The following TIAM1 variants were observed in gnomAD, a reference collection of about 807,000 sequenced individuals.
The protein encoded by TIAM1 is TIAM Rac1 associated GEF 1.
A neutral mutation model predicts 163.5 loss-of-function variants in TIAM1; 65 were observed. The observed-to-expected ratio is 0.40, with a 90% confidence interval of 0.33 to 0.49. The LOEUF (loss-of-function observed/expected upper bound fraction) is 0.49. TIAM1 is among the 20% of genes least tolerant of loss of function. The pLI, the probability that TIAM1 is intolerant of heterozygous loss-of-function variation, is 0.77. For missense variants in TIAM1, 1,789 were observed against 2,044.7 expected (o/e 0.87, Z 2.41); for synonymous variants, 833 against 810.1 (o/e 1.03, Z -0.48).
intron 19 of TIAM1, among the ~76,000 whole-genome samples, chr21:31,151,408 A>G (rs1340397026): frequency 2.0e-5 from 3 of 152,220 alleles, no homozygotes; most frequent in African/African-American, 4.8e-5. Flanking sequence ...CTTGATACAC[A>G]CAGCAATATG....
chr21:31,540,222 C>T (rs1300774218), intron 1 of TIAM1, among the ~76,000 whole-genome samples: 1 of 150,992 alleles, frequency 6.6e-6, no homozygotes, highest in Non-Finnish European at 1.5e-5. Context: ...CTCATCTTTA[C>T]TAAAAATACA....
chr21:31,403,013 C>T (rs1301572813), intron 2 of TIAM1, among the ~76,000 whole-genome samples: 1 of 152,138 alleles, frequency 6.6e-6, no homozygotes, highest in African/African-American at 2.4e-5. Flanking sequence ...CAGGGGCTCA[C>T]AGCACCACGG....
At chr21:31,495,111 G>A (rs1488398012) in intron 1 of TIAM1, among the ~76,000 whole-genome samples, 3 of 152,182 alleles carry the variant, frequency 2.0e-5, no homozygotes, top group African/African-American at 4.8e-5. Flanking sequence ...GTAAAAGTGT[G>A]TGGATACATA....
chr21:31,405,239 CCG>C (rs2077227265), intron 2 of TIAM1, among the ~76,000 whole-genome samples: 1 of 152,106 alleles, frequency 6.6e-6, no homozygotes, highest in Non-Finnish European at 1.5e-5. Flanking sequence ...CAGGGCAAGA[CCG>C]TGTCTCAAAA....
At chr21:31,554,591 T>C (rs958842911) in intron 1 of TIAM1, among the ~76,000 whole-genome samples, 6 of 152,218 alleles carry the variant, frequency 3.9e-5, no homozygotes, top group Non-Finnish European at 8.8e-5. Context: ...AAACTGAGAT[T>C]GTGCTCAGCT....
chr21:31,266,332 A>T lies in TIAM1; in HGVS notation c.641T>A (p.Met214Lys). Residue 214 changes from methionine (M) to lysine (K), a missense_variant, in exon 4 of 28, where the codon ATG becomes AAG. This residue lies in a region of TIAM1 where 555 missense variants were observed against 564.9 expected (regional missense o/e 0.98). Coordinates refer to ENST00000541036, the MANE Select transcript of TIAM1 (RefSeq NM_001353694.2). ...EEKDCEEARG[M>K]ETRASPRQLS... is the part of the protein sequence containing the mutation. The stretch of plus-strand genomic sequence containing the variant: ...CTGCCGCGGACTCGCCCGCGTTTCC[A>T]TCCCCCGAGCCTCCTCGCAGTCCTT... The T allele has an allele frequency of 6.2e-7, 1 of 1,614,158 alleles. No individual in the cohort carries two copies. Among genetic ancestry groups the T allele is most frequent in the Non-Finnish European group, 8.5e-7 (1 of 1,180,032 alleles).
At chr21:31,483,309 C>T (rs935290248) in intron 1 of TIAM1, among the ~76,000 whole-genome samples, 9 of 152,178 alleles carry the variant, frequency 5.9e-5, no homozygotes, top group Admixed American at 2.6e-4. Flanking sequence ...CTGCACCCCA[C>T]GCTTCAACCC....
intron 1 of TIAM1, among the ~76,000 whole-genome samples, chr21:31,494,042 G>A (rs921661365): frequency 6.6e-6 from 1 of 152,134 alleles, no homozygotes; most frequent in Non-Finnish European, 1.5e-5. Flanking sequence ...AGCCTCCCCA[G>A]TAGCTGGGAT....
intron 2 of TIAM1, among the ~76,000 whole-genome samples, chr21:31,286,447 C>T (rs1014684344): frequency 2.6e-5 from 4 of 151,920 alleles, no homozygotes; most frequent in Non-Finnish European, 4.4e-5. Context: ...GTGGCTCATG[C>T]CTGCAATCTT....
chr21:31,462,915 G>GGCCAC (rs1481881534), intron 2 of TIAM1, among the ~76,000 whole-genome samples: 1 of 152,008 alleles, frequency 6.6e-6, no homozygotes, highest in African/African-American at 2.4e-5. Flanking sequence ...ACTAATTTTT[G>GGCCAC]TATTTGGAGT....
At chr21:31,520,527 A>C (rs1282878747) in intron 1 of TIAM1, among the ~76,000 whole-genome samples, 2 of 152,230 alleles carry the variant, frequency 1.3e-5, no homozygotes, top group Non-Finnish European at 2.9e-5. Context: ...TGGTATAAAC[A>C]GCAAAAGGAA....
At chr21:31,335,530 C>A (rs1602016419) in intron 2 of TIAM1, among the ~76,000 whole-genome samples, 1 of 151,960 alleles carries the variant, frequency 6.6e-6, no homozygotes, top group Non-Finnish European at 1.5e-5. Context: ...CACGGTGAAA[C>A]CCTGTCTCTA....
intron 2 of TIAM1, among the ~76,000 whole-genome samples, chr21:31,327,636 G>A (rs944881357): frequency 1.7e-5 from 1 of 59,952 alleles, no homozygotes; most frequent in Non-Finnish European, 2.8e-5. Context: ...GTGAAACGCC[G>A]CCATCTCAAA....
At chr21:31,342,498 C>A (rs1461813491) in intron 1 of TIAM1, among the ~76,000 whole-genome samples, 4 of 152,280 alleles carry the variant, frequency 2.6e-5, no homozygotes, top group African/African-American at 9.6e-5. Flanking sequence ...ATCTAAAAAC[C>A]TTTGCTCTAT....
intron 5 of TIAM1, among the ~76,000 whole-genome samples, chr21:31,249,641 G>A (rs2071687519): frequency 6.6e-6 from 1 of 152,092 alleles, no homozygotes; most frequent in African/African-American, 2.4e-5. Context: ...GGGAGAAGCG[G>A]GAAGTGGAAG....
intron 4 of TIAM1, among the ~76,000 whole-genome samples, chr21:31,262,934 CA>C (rs1018118553): frequency 5.0e-5 from 7 of 141,402 alleles, no homozygotes; most frequent in African/African-American, 1.1e-4. Flanking sequence ...AAACTTTTAC[CA>C]AAAAAAAAGA....
chr21:31,136,601 T>TC (rs1051469886), intron 22 of TIAM1, among the ~76,000 whole-genome samples: 1 of 152,196 alleles, frequency 6.6e-6, no homozygotes, highest in Non-Finnish European at 1.5e-5. Context: ...ATCTTTTTTT[T>TC]CCCCATTTAT....
intron 2 of TIAM1, among the ~76,000 whole-genome samples, chr21:31,420,669 C>T (rs531470491): frequency 6.6e-6 from 1 of 152,158 alleles, no homozygotes; most frequent in Non-Finnish European, 1.5e-5. Flanking sequence ...CTTTGTCCAG[C>T]AGAGTAGAAT....
chr21:31,250,142 T>C (rs1601702060), intron 5 of TIAM1, among the ~76,000 whole-genome samples: 1 of 126,672 alleles, frequency 7.9e-6, no homozygotes, highest in African/African-American at 3.2e-5. Context: ...TGAGACCCTG[T>C]CTCAAACAGA....
Sources: gnomAD v4.1 joint callset for allele counts (sites outside exome capture counted in the v4.1 genomes callset) on GRCh38, gnomAD v4.1.1 for gene constraint, gnomAD v4.1.1 regional missense constraint, MANE v1.5 for transcripts, NCBI Gene and HGNC (gene_info 2026-07-23, HGNC 2026-07-21) for gene names.